The following TOP1 variants were observed in gnomAD, a reference collection of about 807,000 sequenced individuals.
The protein encoded by TOP1 is DNA topoisomerase 1.
Under a neutral mutation model 111.1 loss-of-function variants are expected in TOP1, and 10 were observed. That is an observed-to-expected ratio of 0.09 (90% CI 0.06 to 0.15). The LOEUF (loss-of-function observed/expected upper bound fraction) is 0.15, where lower values mean the gene tolerates loss of function less well. Among genes scored for constraint, TOP1 ranks in the 10% least tolerant of loss-of-function variants. The probability of loss-of-function intolerance (pLI) is 1.00; values close to 1 mark genes in which losing one functional copy is unlikely to be tolerated. For synonymous variants in TOP1, 271 were observed against 302.9 expected, an observed-to-expected ratio of 0.89 and a Z score of 1.10; for missense variants, 474 against 926.7, an observed-to-expected ratio of 0.51 and a Z score of 6.34.
chr20:41,061,280 T>C lies in TOP1; in HGVS notation c.59-114T>C. On this transcript the variant is annotated intron_variant, in intron 2 of 20. Coordinates refer to ENST00000361337, the MANE Select transcript of TOP1 (RefSeq NM_003286.4). The surrounding 1 kb of genome is among the most constrained non-coding windows in gnomAD (Gnocchi z 4.6). ...TTTTTTTCAGTGGCATGTGCTATTA[T>C]GCCTACCATGCCATTTGAATCCTGT... The C allele has an allele frequency of 4.1e-6, 4 of 969,692 alleles. No homozygotes were observed. The highest frequency in any genetic ancestry group is 3.0e-4 in the Middle Eastern group (1 of 3,288). The allele number at this position is 969,692 out of a possible 1,614,324, so 60.1% of individuals were successfully genotyped here. A position where few individuals can be genotyped will look rare whatever the true frequency, so the allele number is the denominator to read the frequency against.
At position 41,090,728 on chromosome 20, in the gene TOP1, A is replaced by G. The variant is rs144920779; in HGVS notation, c.615-1744A>G. Among the ~76,000 whole-genome samples the G allele has an allele frequency of 9.5e-3, 1,447 of 152,102 alleles. 13 individuals carry two copies. Among genetic ancestry groups the G allele is most frequent in the Non-Finnish European group, 0.016 (1,110 of 67,992 alleles). On this transcript the variant is annotated intron_variant, in intron 8 of 20. Transcript: ENST00000361337. ...GCCATGTTGGCCAGGCTGGTCTCGAACTCTTGTCCTCAAGTGATCCGCCCA... is the reference window on the plus strand; with the variant it reads ...GCCATGTTGGCCAGGCTGGTCTCGAGCTCTTGTCCTCAAGTGATCCGCCCA...
Position 41,030,126 on chromosome 20 carries a change from G to C in TOP1, c.58+671G>C, listed in dbSNP as rs536372267. Among the ~76,000 whole-genome samples, 69 of 152,096 alleles carry C rather than the reference G, an allele frequency of 4.5e-4. No homozygotes were observed. In the Middle Eastern group the frequency reaches 0.01, roughly 22 times the overall value. On this transcript the variant is annotated intron_variant, in intron 2 of 20. Coordinates refer to ENST00000361337, the MANE Select transcript of TOP1 (RefSeq NM_003286.4). The surrounding 1 kb of genome is among the most constrained non-coding windows in gnomAD (Gnocchi z 4.1). ...TATATTTCCAGGTTGTTTTTCCCAA[G>C]TTACGTTCTTTGCAAAGGTAGCAGT... is the stretch of plus-strand genomic sequence containing the variant.
At chr20:41,048,539 A>G (rs964742572) in intron 2 of TOP1, among the ~76,000 whole-genome samples, 1 of 152,234 alleles carries the variant, frequency 6.6e-6, no homozygotes, top group African/African-American at 2.4e-5. Context: ...AAAGCTGAGA[A>G]ATAAGTTATC....
Position 41,067,993 on chromosome 20 carries a change from T to C in TOP1, c.155+6503T>C, listed in dbSNP as rs1460242634. On this transcript the variant is annotated intron_variant, in intron 3 of 20. Coordinates refer to ENST00000361337, the MANE Select transcript of TOP1 (RefSeq NM_003286.4). This position sits in a 1 kb window ranked among gnomAD's most constrained non-coding sequence, Gnocchi z 4.0. ...TGCTCTAAGTCCCACAGTGATGTGG[T>C]AGCAGAAAGAAGAGGATGTGAGACC... Among the ~76,000 whole-genome samples, 1 of 152,218 alleles carries C rather than the reference T, an allele frequency of 6.6e-6. No individual in the cohort carries two copies. Among genetic ancestry groups the C allele is most frequent in the Non-Finnish European group, 1.5e-5 (1 of 68,032 alleles).
intron 8 of TOP1, among the ~76,000 whole-genome samples, chr20:41,085,073 A>G (rs2033831356): frequency 8.3e-6 from 1 of 120,104 alleles, no homozygotes; most frequent in South Asian, 2.6e-4. Flanking sequence ...GGACACCTTC[A>G]TGCCATTTAA....
In TOP1 at chr20:41,079,132, C is replaced by A. The variant is rs548293574; in HGVS notation, c.336-953C>A. On this transcript the variant is annotated intron_variant, in intron 5 of 20. Transcript: ENST00000361337. The surrounding 1 kb of genome is among the most constrained non-coding windows in gnomAD (Gnocchi z 4.0). ...TCAAATTCTATCACAAGCAAGGGGA[C>A]CCAGTATGCTTTTTTTGGTCGGAGG... is the stretch of plus-strand genomic sequence containing the variant. 3.3e-5 allele frequency among the ~76,000 whole-genome samples: 5 copies of A among 152,252 alleles called. No homozygotes were observed. The highest frequency in any genetic ancestry group is 1.2e-4 in the African/African-American group (5 of 41,548).
intron 13 of TOP1, among the ~76,000 whole-genome samples, chr20:41,105,271 T>C (rs1190632294): frequency 6.6e-6 from 1 of 152,218 alleles, no homozygotes; most frequent in Non-Finnish European, 1.5e-5. Flanking sequence ...GTTTACAATA[T>C]GTTGTAAACT....
At position 41,094,725 on chromosome 20, in the gene TOP1, C is replaced by T. The variant is rs1600585662; in HGVS notation, c.730+2138C>T. Among the ~76,000 whole-genome samples the T allele has an allele frequency of 2.0e-5, 3 of 152,314 alleles. No individual in the cohort carries two copies. The South Asian group carries it at 6.2e-4, about 32-fold the overall frequency. ...ACTGATACAGTAAGTGCTGCCTACT[C>T]TCTGGGGAGGAGAATTCTTAGACTC... On this transcript the variant is annotated intron_variant, in intron 9 of 20. Coordinates refer to ENST00000361337, the MANE Select transcript of TOP1 (RefSeq NM_003286.4). This position sits in a 1 kb window ranked among gnomAD's most constrained non-coding sequence, Gnocchi z 4.4.
intron 2 of TOP1, among the ~76,000 whole-genome samples, chr20:41,042,774 A>T (rs1418061729): frequency 6.6e-6 from 1 of 152,242 alleles, no homozygotes; most frequent in Non-Finnish European, 1.5e-5. Flanking sequence ...TACTGATAAC[A>T]GAAACAGTCA....
intron 2 of TOP1, among the ~76,000 whole-genome samples, chr20:41,044,933 G>A (rs1162833524): frequency 3.3e-5 from 5 of 152,122 alleles, no homozygotes; most frequent in African/African-American, 4.8e-5. Flanking sequence ...GATTACAGGC[G>A]TGGGCCACCA....
chr20:41,086,958 C>T (rs2033856345), intron 8 of TOP1, among the ~76,000 whole-genome samples: 1 of 152,194 alleles, frequency 6.6e-6, no homozygotes, highest in Non-Finnish European at 1.5e-5. Context: ...TTATCCAGTC[C>T]TCAGTGACTG....
chr20:41,061,860 A>G lies in TOP1; in HGVS notation c.155+370A>G, dbSNP rs185163374. 1.0e-3 allele frequency among the ~76,000 whole-genome samples: 157 copies of G among 152,256 alleles called. No individual in the cohort carries two copies. The highest frequency in any genetic ancestry group is 1.7e-3 in the Non-Finnish European group (117 of 68,000). ...AGACCTGATTTTTTTTCTTCTTTCT[A>G]TATTTTAAAGAGTTTACATTAAAAA... On this transcript the variant is annotated intron_variant, in intron 3 of 20. Coordinates refer to ENST00000361337, the MANE Select transcript of TOP1 (RefSeq NM_003286.4). The surrounding 1 kb of genome is among the most constrained non-coding windows in gnomAD (Gnocchi z 4.6).
chr20:41,113,470 G>A (rs141277216), intron 14 of TOP1, among the ~76,000 whole-genome samples: 1 of 152,208 alleles, frequency 6.6e-6, no homozygotes, highest in Non-Finnish European at 1.5e-5. Context: ...AGATTTCATA[G>A]TGAGTGGGGG....
intron 3 of TOP1, among the ~76,000 whole-genome samples, chr20:41,064,290 T>C (rs2033581211): frequency 6.6e-6 from 1 of 152,198 alleles, no homozygotes; most frequent in South Asian, 2.1e-4. Context: ...TTTGTACCAT[T>C]ACCATGCTGT....
chr20:41,063,219 T>C (rs993971559), intron 3 of TOP1, among the ~76,000 whole-genome samples: 1 of 152,218 alleles, frequency 6.6e-6, no homozygotes, highest in Admixed American at 6.5e-5. Context: ...CTTAATTTGC[T>C]CAGGATAATA....
chr20:41,124,124 T>C lies in TOP1; in HGVS notation c.*827T>C, dbSNP rs2034459695. 4.3e-6 allele frequency: 1 copy of C among 233,108 alleles called. No individual in the cohort carries two copies. Among genetic ancestry groups the C allele is most frequent in the Non-Finnish European group, 8.5e-6 (1 of 117,786 alleles). 14.4% of individuals were successfully genotyped at this position (233,108 alleles called of 1,614,324 possible). ...AGCATTCGCTGTACCCTTTAAGATATCCATCTTTTTCTTTTTAACCCTAAT... is the reference window on the plus strand; with the variant it reads ...AGCATTCGCTGTACCCTTTAAGATACCCATCTTTTTCTTTTTAACCCTAAT... On this transcript the variant is annotated 3_prime_UTR_variant, in exon 21 of 21. Coordinates refer to ENST00000361337, the MANE Select transcript of TOP1 (RefSeq NM_003286.4). The surrounding 1 kb of genome is among the most constrained non-coding windows in gnomAD (Gnocchi z 5.4).
At position 41,121,556 on chromosome 20, in the gene TOP1, A is replaced by G; in HGVS notation, c.1951-140A>G. The G allele has an allele frequency of 2.8e-6, 2 of 707,996 alleles. No homozygotes were observed. The highest frequency in any genetic ancestry group is 5.1e-6 in the Non-Finnish European group (2 of 396,012). The allele number at this position is 707,996 out of a possible 1,614,324, so 43.9% of individuals were successfully genotyped here. ...CCTTGTGCATCTTCTCCCTGCCTTCATGAAGCCACCCTTGTTTTTTTTTAT... is the reference window on the plus strand; with the variant it reads ...CCTTGTGCATCTTCTCCCTGCCTTCGTGAAGCCACCCTTGTTTTTTTTTAT... On this transcript the variant is annotated intron_variant, in intron 18 of 20. Coordinates refer to ENST00000361337, the MANE Select transcript of TOP1 (RefSeq NM_003286.4). This position sits in a 1 kb window ranked among gnomAD's most constrained non-coding sequence, Gnocchi z 4.2.
At chr20:41,076,680 C>T (rs2033731153) in intron 4 of TOP1, among the ~76,000 whole-genome samples, 1 of 152,166 alleles carries the variant, frequency 6.6e-6, no homozygotes, top group South Asian at 2.1e-4. Flanking sequence ...ATAACCAGTG[C>T]AAGCCTTCTA....
At chr20:41,072,830 C>G (rs1389047717) in intron 3 of TOP1, 43 of 985,292 alleles carry the variant, frequency 4.4e-5, no homozygotes, top group East Asian at 2.3e-4. Context: ...AGAAGCTGTC[C>G]TTAACCCTCA....
Sources: gnomAD v4.1 joint callset for allele counts (sites outside exome capture counted in the v4.1 genomes callset) on GRCh38, gnomAD v4.1.1 for gene constraint, Gnocchi (gnomAD v3.1) non-coding constraint, MANE v1.5 for transcripts, NCBI Gene and HGNC (gene_info 2026-07-23, HGNC 2026-07-21) for gene names.